Variants in NECAB1 observed in about 807,000 individuals in gnomAD.
The protein encoded by NECAB1 is N-terminal EF-hand calcium-binding protein 1.
NECAB1 carries 29 observed loss-of-function variants against 57.5 expected under a neutral mutation model. The ratio of observed to expected loss-of-function variants is 0.50; its 90% confidence interval spans 0.38 to 0.69. The LOEUF (loss-of-function observed/expected upper bound fraction) is 0.69, where lower values mean the gene tolerates loss of function less well. Ranked by LOEUF, NECAB1 falls within the 30% of genes least tolerant of loss-of-function variation. NECAB1 has a pLI of 0.00. For synonymous variants in NECAB1, 142 were observed against 147.7 expected, an observed-to-expected ratio of 0.96 and a Z score of 0.28; for missense variants, 372 against 413.8, an observed-to-expected ratio of 0.90 and a Z score of 0.88.
At chr8:90,858,601 GA>G (rs1047256643) in intron 3 of NECAB1, among the ~76,000 whole-genome samples, 21 of 132,952 alleles carry the variant, frequency 1.6e-4, no homozygotes, top group African/African-American at 5.6e-4. Context: ...TACAATACAA[GA>G]AAAAAAAATT....
At chr8:90,792,801 C>A (rs1374129929) in intron 1 of NECAB1, among the ~76,000 whole-genome samples, 1 of 152,140 alleles carries the variant, frequency 6.6e-6, no homozygotes, top group Non-Finnish European at 1.5e-5. Flanking sequence ...GTTTTCCTCT[C>A]CTGCCTGCTG....
intron 2 of NECAB1, among the ~76,000 whole-genome samples, chr8:90,809,269 C>T (rs547218605): frequency 6.6e-6 from 1 of 152,278 alleles, no homozygotes; most frequent in South Asian, 2.1e-4. Context: ...CAGAGGCTTC[C>T]ACAACTCTTC....
At chr8:90,815,962 CA>C (rs1261162974) in intron 2 of NECAB1, among the ~76,000 whole-genome samples, 1 of 151,820 alleles carries the variant, frequency 6.6e-6, no homozygotes, top group African/African-American at 2.4e-5. Context: ...AAGAATGTAC[CA>C]AAATGTCTTC....
At chr8:90,910,424 T>C (rs775247213) in intron 5 of NECAB1, among the ~76,000 whole-genome samples, 3 of 152,186 alleles carry the variant, frequency 2.0e-5, no homozygotes, top group Non-Finnish European at 2.9e-5. Flanking sequence ...TCAAAGGAAG[T>C]TGTGTTCAAA....
At chr8:90,824,642 G>A in intron 2 of NECAB1, 75 bp from the exon 3 acceptor site, 1 of 935,552 alleles carries the variant, frequency 1.1e-6, no homozygotes, top group South Asian at 1.9e-5. Flanking sequence ...GCGTTTGGGT[G>A]AAGTTTTATA....
intron 6 of NECAB1, among the ~76,000 whole-genome samples, chr8:90,922,538 G>A (rs1052030750): frequency 1.8e-5 from 2 of 109,084 alleles, no homozygotes; most frequent in African/African-American, 3.7e-5. Context: ...TGTAGCCCAC[G>A]ATGGAGTGCA....
Position 90,810,957 on chromosome 8 carries a change from C to CT in NECAB1, c.124+9250dup, listed in dbSNP as rs1476094041. 5.7e-5 allele frequency among the ~76,000 whole-genome samples: 8 copies of CT among 141,322 alleles called. No individual in the cohort carries two copies. The East Asian group carries it at 1.5e-3, about 26-fold the overall frequency. The allele number at this position is 141,322 out of a possible 152,430, so 92.7% of individuals were successfully genotyped here. ...TATTTTTCTTTTCTTTTTTTTTTTT[C>CT]TTTTTTTTGAGACAGAGTCTTGCTC... On this transcript the variant is annotated intron_variant, in intron 2 of 12. Transcript: ENST00000417640.
intron 3 of NECAB1, among the ~76,000 whole-genome samples, chr8:90,838,490 C>G (rs1040951124): frequency 7.2e-5 from 11 of 152,214 alleles, no homozygotes; most frequent in Non-Finnish European, 1.5e-4. Flanking sequence ...TCTGGCAGTT[C>G]AGGCACCAAG....
At chr8:90,801,600 A>T in intron 1 of NECAB1, 91 bp from the exon 2 acceptor site, 1 of 803,998 alleles carries the variant, frequency 1.2e-6, no homozygotes, top group Non-Finnish European at 2.0e-6. Context: ...AATGTATTTT[A>T]TTTAATTATG....
At chr8:90,892,481 T>C (rs962607271) in intron 5 of NECAB1, among the ~76,000 whole-genome samples, 12 of 152,346 alleles carry the variant, frequency 7.9e-5, no homozygotes, top group Middle Eastern at 3.4e-3. Context: ...TAAATAAATA[T>C]TTTAAATGAA....
chr8:90,934,183 T>A, intron 8 of NECAB1, 121 bp from the exon 9 acceptor site: 1 of 666,972 alleles, frequency 1.5e-6, no homozygotes, highest in Non-Finnish European at 2.5e-6. Flanking sequence ...ATTTCATCTT[T>A]AAGATAATGA....
At chr8:90,836,163 G>A (rs1311077570) in intron 3 of NECAB1, among the ~76,000 whole-genome samples, 1 of 152,096 alleles carries the variant, frequency 6.6e-6, no homozygotes, top group East Asian at 1.9e-4. Context: ...TTCAAATGAG[G>A]AGTTTCTTTT....
chr8:90,816,828 A>T (rs775794674), intron 2 of NECAB1, among the ~76,000 whole-genome samples: 1 of 151,660 alleles, frequency 6.6e-6, no homozygotes, highest in African/African-American at 2.4e-5. Flanking sequence ...TTTGGAATCA[A>T]TTTTTAAACA....
intron 4 of NECAB1, among the ~76,000 whole-genome samples, chr8:90,877,510 A>G (rs1371583421): frequency 6.6e-6 from 1 of 152,184 alleles, no homozygotes; most frequent in African/African-American, 2.4e-5. Flanking sequence ...ATGTCTAACA[A>G]GTACCCTAGA....
chr8:90,902,879 C>A (rs550849673), intron 5 of NECAB1, among the ~76,000 whole-genome samples: 2 of 151,554 alleles, frequency 1.3e-5, no homozygotes, highest in Non-Finnish European at 2.9e-5. Context: ...AACATTAACT[C>A]GGAAATAATT....
intron 2 of NECAB1, among the ~76,000 whole-genome samples, chr8:90,819,272 G>T (rs1403146539): frequency 6.6e-6 from 1 of 151,610 alleles, no homozygotes; most frequent in Non-Finnish European, 1.5e-5. Flanking sequence ...TTTCATAATT[G>T]TATGATTTGT....
chr8:90,914,795 T>C (rs1398458109), intron 5 of NECAB1, among the ~76,000 whole-genome samples: 1 of 152,186 alleles, frequency 6.6e-6, no homozygotes, highest in Non-Finnish European at 1.5e-5. Context: ...GTATGTAAGA[T>C]CACAATAGCA....
At chr8:90,908,988 G>A (rs929744726) in intron 5 of NECAB1, among the ~76,000 whole-genome samples, 15 of 151,862 alleles carry the variant, frequency 9.9e-5, no homozygotes, top group South Asian at 6.2e-4. Context: ...CAGTTTATCC[G>A]TTACAGAGCC....
intron 5 of NECAB1, among the ~76,000 whole-genome samples, chr8:90,916,455 A>T (rs1263486970): frequency 6.6e-6 from 1 of 152,214 alleles, no homozygotes; most frequent in African/African-American, 2.4e-5. Flanking sequence ...ACTATGCCCT[A>T]AGCTTCTTCA....
Sources: gnomAD v4.1 joint callset for allele counts (sites outside exome capture counted in the v4.1 genomes callset) on GRCh38, gnomAD v4.1.1 for gene constraint, MANE v1.5 for transcripts, NCBI Gene and HGNC (gene_info 2026-07-23, HGNC 2026-07-21) for gene names.